Variants in SCNN1B observed in about 807,000 individuals in gnomAD.
SCNN1B encodes epithelial sodium channel subunit beta.
In SCNN1B, 46 loss-of-function variants were observed where a neutral mutation model predicts 65.3. The ratio of observed to expected loss-of-function variants is 0.70; its 90% CI spans 0.56 to 0.90. The LOEUF (loss-of-function observed/expected upper bound fraction) is 0.90. Ranked by LOEUF, SCNN1B falls within the 40% of genes least tolerant of loss-of-function variation. SCNN1B has a pLI of 0.00. For synonymous variants in SCNN1B, 349 were observed against 330.6 expected, an observed-to-expected ratio of 1.06 and a Z score of -0.60; for missense variants, 751 against 830.5, an observed-to-expected ratio of 0.90 and a Z score of 1.18.
chr16:23,303,123 G>A (rs185568366), intron 1 of SCNN1B, among the ~76,000 whole-genome samples: 1 of 152,286 alleles, frequency 6.6e-6, no homozygotes, highest in East Asian at 1.9e-4. Flanking sequence ...GTTGATGTCT[G>A]GACAATGTCA....
At chr16:23,365,351 A>T (rs1321745797) in intron 4 of SCNN1B, among the ~76,000 whole-genome samples, 1 of 150,138 alleles carries the variant, frequency 6.7e-6, no homozygotes, top group Non-Finnish European at 1.5e-5. Context: ...GGAGGAAAAG[A>T]AAAGAGAGAA....
At chr16:23,310,563 G>C (rs1276947988) in intron 1 of SCNN1B, among the ~76,000 whole-genome samples, 4 of 152,160 alleles carry the variant, frequency 2.6e-5, no homozygotes, top group Admixed American at 2.6e-4. Context: ...ACAAGTCCCA[G>C]CTACTTGGGA....
At chr16:23,308,501 T>C (rs1382194842) in intron 1 of SCNN1B, among the ~76,000 whole-genome samples, 1 of 152,192 alleles carries the variant, frequency 6.6e-6, no homozygotes, top group Non-Finnish European at 1.5e-5. Context: ...CCAGCCTAGG[T>C]GATAGAATAA....
intron 4 of SCNN1B, 93 bp downstream of exon 4, chr16:23,355,582 C>T: frequency 7.7e-7 from 1 of 1,301,262 alleles, no homozygotes; most frequent in Non-Finnish European, 1.1e-6. Flanking sequence ...GGGTTCCAAT[C>T]CTGCCCAGCC....
chr16:23,330,893 G>GAGCT (rs1162667585), intron 1 of SCNN1B, among the ~76,000 whole-genome samples: 3 of 152,042 alleles, frequency 2.0e-5, no homozygotes, highest in African/African-American at 7.2e-5. Context: ...GGCTTCCCTG[G>GAGCT]AGCTAGCTGC....
chr16:23,365,620 A>AGAG (rs11399911), intron 4 of SCNN1B, among the ~76,000 whole-genome samples: 5 of 80,418 alleles, frequency 6.2e-5, no homozygotes, highest in African/African-American at 2.1e-4. Context: ...AAAGAAAGAA[A>AGAG]AAAGAAAGAA....
At chr16:23,353,407 TCAA>T (rs1254485442) in intron 3 of SCNN1B, among the ~76,000 whole-genome samples, 3 of 152,184 alleles carry the variant, frequency 2.0e-5, no homozygotes, top group Admixed American at 2.0e-4. Flanking sequence ...CCGTCTTGGT[TCAA>T]CTTTTCTCTC....
intron 7 of SCNN1B, among the ~76,000 whole-genome samples, chr16:23,373,623 C>G (rs952436354): frequency 6.6e-6 from 1 of 152,218 alleles, no homozygotes; most frequent in African/African-American, 2.4e-5. Context: ...CTTGCCATAT[C>G]AGTGCACTGA....
intron 2 of SCNN1B, among the ~76,000 whole-genome samples, chr16:23,289,113 G>A (rs1596807339): frequency 1.3e-5 from 2 of 152,248 alleles, no homozygotes; most frequent in East Asian, 3.9e-4. Flanking sequence ...ATACAGGGGT[G>A]TTGACACCAG....
In SCNN1B at chr16:23,285,369, G is replaced by A. The variant is rs186267593; in HGVS notation, n.178+1565G>A. ...TTATTTTTTGTAGAGGTAGGGCCTC[G>A]CTATGTTGTCCAGGCTGGTCTCAAA... On this transcript the variant is annotated intron_variant and non_coding_transcript_variant, in intron 2 of 3. Coordinates refer to the SCNN1B transcript ENST00000569789. Among the ~76,000 whole-genome samples, 41 of 152,168 alleles carry A rather than the reference G, an allele frequency of 2.7e-4. No individual in the cohort carries two copies. The East Asian group carries it at 6.2e-3, about 23-fold the overall frequency.
At chr16:23,286,048 A>C (rs1333570148) in intron 2 of SCNN1B, among the ~76,000 whole-genome samples, 3 of 151,896 alleles carry the variant, frequency 2.0e-5, no homozygotes, top group Admixed American at 2.0e-4. Context: ...TGATATTTTA[A>C]AAGAGAAAGA....
chr16:23,372,047 G>A, intron 7 of SCNN1B, 164 bp downstream of exon 7: 1 of 689,184 alleles, frequency 1.5e-6, no homozygotes, highest in South Asian at 1.5e-5. Context: ...ACTTTCCTGG[G>A]CTCTCTCACC....
In SCNN1B at chr16:23,348,505, C is replaced by G; in HGVS notation, c.-8-87C>G. The G allele has an allele frequency of 7.7e-7, 1 of 1,294,380 alleles. No homozygotes were observed. Among genetic ancestry groups the G allele is most frequent in the Non-Finnish European group, 1.1e-6 (1 of 915,736 alleles). 80.2% of individuals were successfully genotyped at this position (1,294,380 alleles called of 1,614,324 possible). A position where few individuals can be genotyped will look rare whatever the true frequency, so the allele number is the denominator to read the frequency against. ...AGAGGGAGGAAGAACGGGGACGTACCGCCGCCCAGTTCCTGGACGTGACTG... is the reference window on the plus strand; with the variant it reads ...AGAGGGAGGAAGAACGGGGACGTACGGCCGCCCAGTTCCTGGACGTGACTG... On this transcript the variant is annotated intron_variant, in intron 1 of 12. Transcript: ENST00000343070. This position sits in a 1 kb window ranked among gnomAD's most constrained non-coding sequence, Gnocchi z 4.5.
intron 7 of SCNN1B, among the ~76,000 whole-genome samples, chr16:23,374,408 T>C (rs1336485848): frequency 1.3e-5 from 2 of 149,484 alleles, no homozygotes; most frequent in Non-Finnish European, 1.5e-5. Flanking sequence ...ACCTGGTCTC[T>C]ACTAAAAATA....
chr16:23,378,557 A>T, intron 10 of SCNN1B, 149 bp from the exon 11 acceptor site: 3 of 743,240 alleles, frequency 4.0e-6, no homozygotes, highest in Non-Finnish European at 7.3e-6. Context: ...TTCCACTACG[A>T]CCTTCCTCCT....
chr16:23,362,796 C>A (rs765203146), intron 4 of SCNN1B, among the ~76,000 whole-genome samples: 67 of 152,352 alleles, frequency 4.4e-4, no homozygotes, highest in Non-Finnish European at 6.8e-4. Flanking sequence ...AACACTGTGT[C>A]CCCATGCCCT....
chr16:23,335,041 T>C (rs748405010), intron 1 of SCNN1B, among the ~76,000 whole-genome samples: 6 of 152,230 alleles, frequency 3.9e-5, no homozygotes, highest in Non-Finnish European at 7.3e-5. Flanking sequence ...ATTTTTTTTC[T>C]CTTTCCTGTG....
At chr16:23,295,249 C>G (rs1405961948) in intron 2 of SCNN1B, among the ~76,000 whole-genome samples, 1 of 151,918 alleles carries the variant, frequency 6.6e-6, no homozygotes, top group Non-Finnish European at 1.5e-5. Context: ...GACCAGGTCT[C>G]ACTCTGTTAC....
chr16:23,380,310 T>C lies in SCNN1B; in HGVS notation c.1543-111T>C. 1 of 1,561,720 alleles carries C rather than the reference T, an allele frequency of 6.4e-7. No individual in the cohort carries two copies. The highest frequency in any genetic ancestry group is 8.8e-7 in the Non-Finnish European group (1 of 1,135,292). On this transcript the variant is annotated intron_variant, in intron 12 of 12. Transcript: ENST00000343070. The surrounding 1 kb of genome is among the most constrained non-coding windows in gnomAD (Gnocchi z 5.4). ...CCCAAGTTATTCCCCTGGGCCAAGA[T>C]GGTCACCCCCTCCCGTTCCCACCCA...
Sources: allele counts gnomAD v4.1 joint callset (sites outside exome capture counted in the v4.1 genomes callset), GRCh38; gene constraint gnomAD v4.1.1; non-coding constraint Gnocchi (gnomAD v3.1); transcripts MANE v1.5; gene names NCBI Gene and HGNC (gene_info 2026-07-23, HGNC 2026-07-21).